The following RAB10 variants were observed in gnomAD, a reference collection of about 807,000 sequenced individuals.
The protein encoded by RAB10 is RAB10, member RAS oncogene family.
Under a neutral mutation model 25.7 loss-of-function variants are expected in RAB10, and 5 were observed. That is an observed-to-expected ratio of 0.19 (90% CI 0.10 to 0.41). RAB10 has a LOEUF of 0.41. Among genes scored for constraint, RAB10 ranks in the 10% least tolerant of loss-of-function variants. RAB10 has a pLI of 1.00. For missense variants in RAB10, 103 were observed against 245.8 expected (o/e 0.42, Z 3.89); for synonymous variants, 89 against 86.4 (o/e 1.03, Z -0.16).
At chr2:26,072,557 AAG>A (rs1666650157) in intron 1 of RAB10, among the ~76,000 whole-genome samples, 1 of 152,154 alleles carries the variant, frequency 6.6e-6, no homozygotes, top group African/African-American at 2.4e-5. Context: ...AGAAGAAAAA[AAG>A]AAATTACTTG....
chr2:26,045,211 A>G (rs935760328), intron 1 of RAB10, among the ~76,000 whole-genome samples: 1 of 150,566 alleles, frequency 6.6e-6, no homozygotes, highest in African/African-American at 2.4e-5. Flanking sequence ...AGAGGCTAAT[A>G]AGAGAAATAC....
chr2:26,135,237 G>T lies in RAB10; in HGVS notation c.*216G>T, dbSNP rs1354975485. ...AAAAATGTATAGAAAAATCATGTCT[G>T]TGAGTTCATTTTTAAATGTACTTGC... On this transcript the variant is annotated 3_prime_UTR_variant, in exon 6 of 6. Coordinates refer to ENST00000264710, the MANE Select transcript of RAB10 (RefSeq NM_016131.5). The T allele has an allele frequency of 4.1e-6, 2 of 487,430 alleles. No individual in the cohort carries two copies. Among genetic ancestry groups the T allele is most frequent in the Non-Finnish European group, 7.2e-6 (2 of 275,932 alleles). 30.2% of individuals were successfully genotyped at this position (487,430 alleles called of 1,614,324 possible).
chr2:26,114,685 G>T (rs1243768576), intron 3 of RAB10, among the ~76,000 whole-genome samples: 1 of 147,454 alleles, frequency 6.8e-6, no homozygotes, highest in Non-Finnish European at 1.5e-5. Flanking sequence ...GAGCCCAGGA[G>T]TTTGAGACCA....
intron 1 of RAB10, among the ~76,000 whole-genome samples, chr2:26,044,327 A>T (rs566758402): frequency 6.6e-6 from 1 of 152,332 alleles, no homozygotes; most frequent in South Asian, 2.1e-4. Context: ...AGGATCCTTT[A>T]TGGTACTTTC....
intron 3 of RAB10, among the ~76,000 whole-genome samples, chr2:26,119,324 T>C (rs919594238): frequency 5.3e-5 from 8 of 151,948 alleles, no homozygotes; most frequent in African/African-American, 1.9e-4. Context: ...GGTGGGAGGA[T>C]CACCTGAGCC....
intron 5 of RAB10, among the ~76,000 whole-genome samples, chr2:26,131,701 A>G (rs895226133): frequency 1.3e-5 from 2 of 151,998 alleles, no homozygotes; most frequent in African/African-American, 4.8e-5. Flanking sequence ...TAATTAATTT[A>G]TCAGTTATTA....
At chr2:26,038,074 C>T (rs552224282) in intron 1 of RAB10, among the ~76,000 whole-genome samples, 36 of 151,242 alleles carry the variant, frequency 2.4e-4, no homozygotes, top group African/African-American at 6.3e-4. Context: ...TTAATAGAGA[C>T]GGGGTTTCAC....
intron 3 of RAB10, among the ~76,000 whole-genome samples, chr2:26,119,267 C>T (rs567225115): frequency 3.3e-5 from 5 of 152,062 alleles, no homozygotes; most frequent in South Asian, 4.2e-4. Flanking sequence ...TTTTTAAAGT[C>T]GGATATGGCG....
At chr2:26,111,433 C>T (rs1196271695) in intron 3 of RAB10, among the ~76,000 whole-genome samples, 2 of 151,932 alleles carry the variant, frequency 1.3e-5, no homozygotes, top group African/African-American at 2.4e-5. Context: ...GGAGAAACCC[C>T]GTCTCTACTA....
intron 3 of RAB10, among the ~76,000 whole-genome samples, chr2:26,110,854 C>T (rs921525822): frequency 2.9e-5 from 3 of 105,182 alleles, no homozygotes; most frequent in African/African-American, 1.0e-4. Flanking sequence ...TACAGGTGTG[C>T]ACCACCACAC....
In RAB10 at chr2:26,073,278, A is replaced by G. The variant is rs146779417; in HGVS notation, c.128-25384A>G. ...CAAATGGGAGAAGGGGCTATTAACC[A>G]GAGATCAGCAAACTGCTGTTTTGTC... is the stretch of plus-strand genomic sequence containing the variant. On this transcript the variant is annotated intron_variant, in intron 1 of 5. Transcript: ENST00000264710. 3.5e-3 allele frequency among the ~76,000 whole-genome samples: 527 copies of G among 152,376 alleles called. 4 individuals carry two copies. The highest frequency in any genetic ancestry group is 8.8e-3 in the African/African-American group (364 of 41,594).
At chr2:26,044,638 C>A (rs758098570) in intron 1 of RAB10, among the ~76,000 whole-genome samples, 1 of 151,904 alleles carries the variant, frequency 6.6e-6, no homozygotes, top group African/African-American at 2.4e-5. Flanking sequence ...CTCCACCTCC[C>A]GGGTTCAGAT....
At chr2:26,041,545 A>G (rs1319211300) in intron 1 of RAB10, among the ~76,000 whole-genome samples, 1 of 145,334 alleles carries the variant, frequency 6.9e-6, no homozygotes, top group African/African-American at 2.5e-5. Context: ...CGCTGACTCA[A>G]AAAAAAAAAA....
At chr2:26,087,243 A>C (rs2149276033) in intron 1 of RAB10, among the ~76,000 whole-genome samples, 1 of 152,296 alleles carries the variant, frequency 6.6e-6, no homozygotes, top group East Asian at 1.9e-4. Context: ...TGCAACTTTA[A>C]GTAAATTACC....
intron 3 of RAB10, among the ~76,000 whole-genome samples, chr2:26,119,717 C>G (rs1667763320): frequency 6.6e-6 from 1 of 152,142 alleles, no homozygotes; most frequent in Non-Finnish European, 1.5e-5. Flanking sequence ...TGGGGTCTTA[C>G]TGTGTTGCCC....
intron 1 of RAB10, among the ~76,000 whole-genome samples, chr2:26,079,411 G>C (rs1297911755): frequency 5.9e-5 from 9 of 151,764 alleles, no homozygotes; most frequent in African/African-American, 2.2e-4. Flanking sequence ...AATGACAGCT[G>C]GGTTTCTCGT....
intron 1 of RAB10, among the ~76,000 whole-genome samples, chr2:26,069,667 CT>C (rs1011034109): frequency 3.3e-5 from 5 of 151,086 alleles, no homozygotes; most frequent in African/African-American, 9.7e-5. Context: ...CTCTGCCCCC[CT>C]ACCCCCCAAA....
intron 1 of RAB10, among the ~76,000 whole-genome samples, chr2:26,074,077 G>A (rs1041153239): frequency 1.3e-5 from 2 of 152,102 alleles, no homozygotes; most frequent in African/African-American, 4.8e-5. Flanking sequence ...ATGATGAAAG[G>A]CATCTTATAT....
chr2:26,116,379 TACTC>T (rs1465165729), intron 3 of RAB10, among the ~76,000 whole-genome samples: 2 of 151,992 alleles, frequency 1.3e-5, no homozygotes, highest in Admixed American at 6.6e-5. Flanking sequence ...TGAATTTTGA[TACTC>T]ACATATAATA....
Sources: gnomAD v4.1 joint callset for allele counts (sites outside exome capture counted in the v4.1 genomes callset) on GRCh38, gnomAD v4.1.1 for gene constraint, MANE v1.5 for transcripts, NCBI Gene and HGNC (gene_info 2026-07-23, HGNC 2026-07-21) for gene names.